The following PVT1 variants were observed in gnomAD, a reference collection of about 807,000 sequenced individuals.
PVT1 encodes the protein Pvt1 oncogene.
At chr8:127,937,050 A>T (rs1429584077) in intron 3 of PVT1, among the ~76,000 whole-genome samples, 1 of 152,224 alleles carries the variant, frequency 6.6e-6, no homozygotes, top group Non-Finnish European at 1.5e-5. Context: ...AGTCCAGACC[A>T]AGTCACCTAA....
chr8:127,869,413 G>T lies in PVT1; in HGVS notation n.373-21176G>T, dbSNP rs555462028. On this transcript the variant is annotated intron_variant and non_coding_transcript_variant, in intron 2 of 10. Coordinates refer to ENST00000651587, the Ensembl canonical transcript of PVT1. ...CTCAAAGTGCTGGGATTACAGGTGT[G>T]AGCCACCACGCTTGGCCTATTTTTT... Among the ~76,000 whole-genome samples, 44 of 152,274 alleles carry T rather than the reference G, an allele frequency of 2.9e-4. No homozygotes were observed. In the South Asian group the frequency reaches 8.9e-3, roughly 31 times the overall value.
chr8:127,897,421 T>G (rs544145839), intron 3 of PVT1, among the ~76,000 whole-genome samples: 1 of 150,778 alleles, frequency 6.6e-6, no homozygotes, highest in South Asian at 2.1e-4. Flanking sequence ...AGGGGCTATG[T>G]GAGAAGTTTG....
intron 4 of PVT1, chr8:127,996,429 G>A (rs778270752): frequency 4.0e-5 from 6 of 151,466 alleles, no homozygotes; most frequent in South Asian, 4.2e-4. Context: ...TGGGATGCAG[G>A]GCATCCTGCA....
intron 3 of PVT1, among the ~76,000 whole-genome samples, chr8:127,917,257 T>A (rs956060131): frequency 2.6e-5 from 4 of 152,192 alleles, no homozygotes; most frequent in African/African-American, 9.7e-5. Context: ...GGACCAGGCC[T>A]TGTGTTAAGT....
intron 2 of PVT1, chr8:127,855,353 T>C: frequency 2.5e-6 from 1 of 396,312 alleles, no homozygotes; most frequent in East Asian, 3.6e-5. Flanking sequence ...TGGGAATGGG[T>C]CCCGGTGTGC....
intron 2 of PVT1, among the ~76,000 whole-genome samples, chr8:127,810,871 G>GCTGGTT (rs1317336282): frequency 6.6e-6 from 1 of 151,954 alleles, no homozygotes; most frequent in African/African-American, 2.4e-5. Context: ...ATCTCCTTAC[G>GCTGGTT]CTGGTTCTGA....
intron 2 of PVT1, among the ~76,000 whole-genome samples, chr8:127,890,195 C>T (rs576776494): frequency 6.6e-6 from 1 of 152,228 alleles, no homozygotes; most frequent in Non-Finnish European, 1.5e-5. Context: ...CTAAACCCCT[C>T]AGCTCCCTGC....
intron 3 of PVT1, among the ~76,000 whole-genome samples, chr8:127,975,734 G>T (rs1472812715): frequency 1.3e-5 from 2 of 152,254 alleles, no homozygotes; most frequent in East Asian, 1.9e-4. Flanking sequence ...AGCTAGGCAG[G>T]GTTTTTCTTC....
chr8:128,052,169 G>A (rs1813706616), intron 4 of PVT1, among the ~76,000 whole-genome samples: 2 of 152,332 alleles, frequency 1.3e-5, no homozygotes, highest in South Asian at 4.1e-4. Context: ...GGGCTGGCCT[G>A]GTGCCTGAGT....
chr8:127,988,323 G>T (rs558560445), intron 3 of PVT1, among the ~76,000 whole-genome samples: 1 of 152,144 alleles, frequency 6.6e-6, no homozygotes, highest in South Asian at 2.1e-4. Context: ...TGAGGATGGT[G>T]GGGGGGCCTG....
At chr8:128,021,272 G>C (rs541905489) in intron 4 of PVT1, among the ~76,000 whole-genome samples, 3 of 144,704 alleles carry the variant, frequency 2.1e-5, no homozygotes, top group South Asian at 4.4e-4. Flanking sequence ...TCTCCAGTCC[G>C]ATTCCCCAGG....
chr8:127,862,349 A>C (rs1815237489), intron 2 of PVT1, among the ~76,000 whole-genome samples: 1 of 152,104 alleles, frequency 6.6e-6, no homozygotes, highest in Non-Finnish European at 1.5e-5. Flanking sequence ...CAGAGGTTGC[A>C]GTAAGCTGAG....
At chr8:127,966,938 T>C (rs1260334416) in intron 3 of PVT1, among the ~76,000 whole-genome samples, 1 of 152,194 alleles carries the variant, frequency 6.6e-6, no homozygotes, top group Non-Finnish European at 1.5e-5. Context: ...CTGTCACGGG[T>C]ATCCCAGAGC....
At chr8:127,861,628 A>C (rs898989338) in intron 2 of PVT1, among the ~76,000 whole-genome samples, 4 of 152,016 alleles carry the variant, frequency 2.6e-5, no homozygotes, top group African/African-American at 9.7e-5. Flanking sequence ...ACTTGTTTTG[A>C]ATATCTTTTC....
chr8:127,897,226 G>A (rs1236402742), intron 3 of PVT1, among the ~76,000 whole-genome samples: 5 of 152,258 alleles, frequency 3.3e-5, no homozygotes, highest in Non-Finnish European at 7.3e-5. Context: ...ACGCTGTGGT[G>A]CAGGACCGTG....
At chr8:128,045,490 C>T (rs1287964628) in intron 4 of PVT1, among the ~76,000 whole-genome samples, 1 of 152,150 alleles carries the variant, frequency 6.6e-6, no homozygotes, top group East Asian at 1.9e-4. Context: ...GTGTTATATG[C>T]TTTTTAAGTT....
intron 4 of PVT1, among the ~76,000 whole-genome samples, chr8:128,029,822 CT>C (rs1813368674): frequency 1.3e-5 from 2 of 152,152 alleles, no homozygotes; most frequent in Non-Finnish European, 2.9e-5. Context: ...CAAAAAAACA[CT>C]TGTTGCTGGG....
At chr8:128,007,000 A>T (rs945133349) in intron 4 of PVT1, among the ~76,000 whole-genome samples, 1 of 152,218 alleles carries the variant, frequency 6.6e-6, no homozygotes, top group South Asian at 2.1e-4. Flanking sequence ...CAGAACTATA[A>T]CCTGAATTTA....
intron 5 of PVT1, among the ~76,000 whole-genome samples, chr8:128,095,865 T>C (rs950706952): frequency 5.3e-5 from 8 of 152,236 alleles, no homozygotes; most frequent in African/African-American, 1.9e-4. Context: ...AGACTTTTCT[T>C]TTCCACTCCA....
Sources: gnomAD v4.1 joint callset for allele counts (sites outside exome capture counted in the v4.1 genomes callset) on GRCh38, gnomAD v4.1.1 for gene constraint, MANE v1.5 for transcripts, NCBI Gene and HGNC (gene_info 2026-07-23, HGNC 2026-07-21) for gene names.